The following CADM2 variants were observed in gnomAD, a reference collection of about 807,000 sequenced individuals.
The protein encoded by CADM2 is immunoglobulin superfamily member 4D.
CADM2 carries 12 observed loss-of-function variants against 49.8 expected under a neutral mutation model. The ratio of observed to expected loss-of-function variants is 0.24; its 90% CI spans 0.15 to 0.39. The LOEUF (loss-of-function observed/expected upper bound fraction) is 0.39, where lower values mean the gene tolerates loss of function less well. Ranked by LOEUF, CADM2 falls within the 10% of genes least tolerant of loss-of-function variation. The pLI, the probability that CADM2 is intolerant of heterozygous loss-of-function variation, is 1.00. For synonymous variants in CADM2, 214 were observed against 175.4 expected (o/e 1.22, Z -1.74); for missense variants, 378 against 492.3 (o/e 0.77, Z 2.20).
At chr3:85,496,492 G>T (rs1202217100) in intron 1 of CADM2, among the ~76,000 whole-genome samples, 1 of 152,148 alleles carries the variant, frequency 6.6e-6, no homozygotes, top group Non-Finnish European at 1.5e-5. Context: ...GAATAGTGTT[G>T]CAATGAACAT....
At chr3:86,041,552 C>T (rs1735943676) in intron 8 of CADM2, among the ~76,000 whole-genome samples, 1 of 152,072 alleles carries the variant, frequency 6.6e-6, no homozygotes, top group Non-Finnish European at 1.5e-5. Context: ...TATATATGCA[C>T]CCAATATAGG....
chr3:85,234,688 A>G (rs147686858), intron 1 of CADM2, among the ~76,000 whole-genome samples: 1 of 152,286 alleles, frequency 6.6e-6, no homozygotes, highest in African/African-American at 2.4e-5. Flanking sequence ...ATGATGATTC[A>G]TATTATCTAC....
At chr3:85,023,657 C>A (rs1437612401) in intron 1 of CADM2, among the ~76,000 whole-genome samples, 2 of 152,030 alleles carry the variant, frequency 1.3e-5, no homozygotes, top group Non-Finnish European at 2.9e-5. Context: ...TAACTTTAAA[C>A]ATTCAGGGTA....
intron 1 of CADM2, among the ~76,000 whole-genome samples, chr3:85,107,036 A>G (rs894482669): frequency 2.0e-5 from 3 of 152,156 alleles, no homozygotes; most frequent in African/African-American, 7.2e-5. Context: ...AGAAGCAGCC[A>G]AAGAGGTAAG....
At chr3:85,304,687 G>A (rs1424964307) in intron 1 of CADM2, among the ~76,000 whole-genome samples, 1 of 151,728 alleles carries the variant, frequency 6.6e-6, no homozygotes, top group Non-Finnish European at 1.5e-5. Context: ...TAATAATTTA[G>A]AATTGATTTG....
At chr3:85,594,155 A>G (rs934983794) in intron 1 of CADM2, among the ~76,000 whole-genome samples, 4 of 151,910 alleles carry the variant, frequency 2.6e-5, no homozygotes, top group African/African-American at 7.2e-5. Context: ...AAATATTTAT[A>G]TTGTTAACCT....
At chr3:85,702,227 C>T (rs574300404) in intron 1 of CADM2, among the ~76,000 whole-genome samples, 1 of 152,208 alleles carries the variant, frequency 6.6e-6, no homozygotes, top group East Asian at 1.9e-4. Context: ...CATTCAAAGA[C>T]CCTTACCCCA....
chr3:85,587,108 G>A (rs2062966125), intron 1 of CADM2, among the ~76,000 whole-genome samples: 1 of 151,928 alleles, frequency 6.6e-6, no homozygotes, highest in East Asian at 1.9e-4. Flanking sequence ...TTGCAAAATG[G>A]GTATAATTTA....
intron 1 of CADM2, among the ~76,000 whole-genome samples, chr3:85,567,612 G>C (rs2062304233): frequency 6.6e-6 from 1 of 150,684 alleles, no homozygotes; most frequent in Non-Finnish European, 1.5e-5. Flanking sequence ...TGGTATATTA[G>C]AGCTCTCCAG....
At chr3:85,950,895 C>T (rs969057782) in intron 7 of CADM2, among the ~76,000 whole-genome samples, 4 of 151,118 alleles carry the variant, frequency 2.6e-5, no homozygotes, top group African/African-American at 7.2e-5. Flanking sequence ...TTAGAATCAG[C>T]GTTTCAATTT....
intron 3 of CADM2, 24 bp downstream of exon 3, chr3:85,802,220 T>C (rs777869910): frequency 6.3e-7 from 1 of 1,584,628 alleles, no homozygotes. Context: ...CTTTCAAATG[T>C]TTTAATCGTA....
intron 8 of CADM2, among the ~76,000 whole-genome samples, chr3:85,966,665 A>G (rs1725514651): frequency 6.6e-6 from 1 of 151,672 alleles, no homozygotes. Flanking sequence ...TTATGATACT[A>G]TATAGTAAGT....
chr3:85,663,551 G>A (rs768100180), intron 1 of CADM2, among the ~76,000 whole-genome samples: 43 of 151,974 alleles, frequency 2.8e-4, no homozygotes, highest in Non-Finnish European at 2.2e-4. Context: ...TGCTCACTAA[G>A]CTGCTTTCTG....
Position 85,614,026 on chromosome 3 carries a change from G to A in CADM2, c.62-112496G>A, listed in dbSNP as rs573106648. Among the ~76,000 whole-genome samples the A allele has an allele frequency of 1.1e-4, 17 of 151,606 alleles. No individual in the cohort carries two copies. The South Asian group carries it at 3.1e-3, about 28-fold the overall frequency. ...AATTGTATTTATGTAGCTGAGTGATGTACTTGTAAGAATGTTTGTTGCAAA... is the reference window on the plus strand; with the variant it reads ...AATTGTATTTATGTAGCTGAGTGATATACTTGTAAGAATGTTTGTTGCAAA... On this transcript the variant is annotated intron_variant, in intron 1 of 9. Coordinates refer to ENST00000383699, the MANE Select transcript of CADM2 (RefSeq NM_001167675.2).
intron 1 of CADM2, among the ~76,000 whole-genome samples, chr3:85,407,832 C>A (rs989423840): frequency 7.3e-5 from 11 of 151,332 alleles, no homozygotes; most frequent in African/African-American, 2.7e-4. Context: ...AAATGAAAAA[C>A]AAAACAAAGC....
chr3:85,308,310 TACA>T (rs2044262759), intron 1 of CADM2, among the ~76,000 whole-genome samples: 1 of 143,512 alleles, frequency 7.0e-6, no homozygotes, highest in South Asian at 2.2e-4. Context: ...TCTACCTCTC[TACA>T]CACACACACA....
chr3:85,798,966 C>G (rs961311775), intron 2 of CADM2, among the ~76,000 whole-genome samples: 15 of 152,032 alleles, frequency 9.9e-5, no homozygotes, highest in Non-Finnish European at 7.4e-5. Context: ...GTTTGTAGTT[C>G]TCTTTGAAGA....
chr3:85,038,660 T>C (rs189755765), intron 1 of CADM2, among the ~76,000 whole-genome samples: 35 of 152,328 alleles, frequency 2.3e-4, no homozygotes, highest in African/African-American at 7.5e-4. Flanking sequence ...ACTAGCATGT[T>C]GCCTAGATTT....
chr3:86,011,470 T>G (rs1731499804), intron 8 of CADM2, among the ~76,000 whole-genome samples: 1 of 152,086 alleles, frequency 6.6e-6, no homozygotes, highest in Middle Eastern at 3.2e-3. Context: ...TATAAGAATA[T>G]GTATACCAAA....
Sources: allele counts gnomAD v4.1 joint callset (sites outside exome capture counted in the v4.1 genomes callset), GRCh38; gene constraint gnomAD v4.1.1; transcripts MANE v1.5; gene names NCBI Gene and HGNC (gene_info 2026-07-23, HGNC 2026-07-21).